The following SOBP variants were observed in gnomAD, a reference collection of about 807,000 sequenced individuals.
The protein encoded by SOBP is sine oculis-binding protein homolog.
In SOBP, 4 loss-of-function variants were observed where a neutral mutation model predicts 53.6. The ratio of observed to expected loss-of-function variants is 0.07; its 90% CI spans 0.04 to 0.17. SOBP has a LOEUF of 0.17. Among genes scored for constraint, SOBP ranks in the 10% least tolerant of loss-of-function variants. The pLI is 1.00. For missense variants in SOBP, 1,088 were observed against 1,204.7 expected, an observed-to-expected ratio of 0.90 and a Z score of 1.43; for synonymous variants, 584 against 522.6, an observed-to-expected ratio of 1.12 and a Z score of -1.60.
At chr6:107,533,377 G>C (rs895775813) in intron 3 of SOBP, 82 bp from the exon 4 acceptor site, 3 of 1,481,738 alleles carry the variant, frequency 2.0e-6, no homozygotes, top group Admixed American at 3.4e-5. Context: ...GGCCCAGGTA[G>C]CTCTGTCAGG....
intron 6 of SOBP, among the ~76,000 whole-genome samples, chr6:107,636,753 G>A (rs546825576): frequency 4.6e-5 from 7 of 152,306 alleles, no homozygotes; most frequent in African/African-American, 1.7e-4. Context: ...GGAAGCGGGG[G>A]CCAGGAGAGT....
At chr6:107,563,689 A>C (rs1246291515) in intron 4 of SOBP, among the ~76,000 whole-genome samples, 2 of 152,094 alleles carry the variant, frequency 1.3e-5, no homozygotes, top group South Asian at 2.1e-4. Context: ...AAAAAAAAAA[A>C]CTTACAATAG....
intron 6 of SOBP, among the ~76,000 whole-genome samples, chr6:107,656,329 AAGAAAGAAAGAAAG>A (rs1322883582): frequency 1.2e-3 from 8 of 6,664 alleles, no homozygotes; most frequent in East Asian, 0.05. Flanking sequence ...GAAAGAAAGA[AAGAAAGAAAGAAAG>A]AGAAAGAAAG....
At chr6:107,589,331 G>A (rs1785669393) in intron 5 of SOBP, among the ~76,000 whole-genome samples, 2 of 152,198 alleles carry the variant, frequency 1.3e-5, no homozygotes, top group Admixed American at 6.5e-5. Flanking sequence ...CACAGACACT[G>A]ACAGAAAGTG....
chr6:107,511,623 GA>G (rs1363987702), intron 3 of SOBP: 48 of 152,376 alleles, frequency 3.2e-4, no homozygotes, highest in African/African-American at 1.1e-3. Flanking sequence ...GGAACACGGT[GA>G]TACTGCATTG....
At chr6:107,534,327 C>A (rs528924932) in intron 4 of SOBP, among the ~76,000 whole-genome samples, 59 of 152,322 alleles carry the variant, frequency 3.9e-4, no homozygotes, top group Admixed American at 4.6e-4. Context: ...GATGTTTTTA[C>A]AATCACACGC....
In SOBP at chr6:107,490,716, T is replaced by A; in HGVS notation, c.96+4T>A. On this transcript the variant is annotated splice_donor_region_variant and intron_variant, in intron 1 of 6. Transcript: ENST00000317357. ...GGAGATCAATGAGGAGATGAAGGTA[T>A]TTTTTGATCTCGGGGGCCAGGGAGA... 1.3e-6 allele frequency: 2 copies of A among 1,497,400 alleles called. No homozygotes were observed. The highest frequency in any genetic ancestry group is 1.8e-6 in the Non-Finnish European group (2 of 1,081,900). 92.8% of individuals were successfully genotyped at this position (1,497,400 alleles called of 1,614,324 possible).
chr6:107,500,726 C>G (rs773401533), intron 1 of SOBP, among the ~76,000 whole-genome samples: 1 of 151,874 alleles, frequency 6.6e-6, no homozygotes, highest in Non-Finnish European at 1.5e-5. Context: ...GGGGTTTCAC[C>G]ATGTTAGCCA....
At position 107,602,553 on chromosome 6, in the gene SOBP, G is replaced by A. The variant is rs540666575; in HGVS notation, c.669+15378G>A. ...TGCAGGAGCGCTAAGCCTCTGCATA[G>A]CAACTAAGCCGCGTTAAAAAAAAAA... On this transcript the variant is annotated intron_variant, in intron 5 of 6. Transcript: ENST00000317357. Among the ~76,000 whole-genome samples, 16 of 121,582 alleles carry A rather than the reference G, an allele frequency of 1.3e-4. No individual in the cohort carries two copies. In the South Asian group the frequency reaches 2.5e-3, roughly 19 times the overall value. The allele number at this position is 121,582 out of a possible 152,430, so 79.8% of individuals were successfully genotyped here.
chr6:107,627,582 ATTT>A (rs2115130911), intron 5 of SOBP, among the ~76,000 whole-genome samples: 1 of 152,314 alleles, frequency 6.6e-6, no homozygotes, highest in Middle Eastern at 3.4e-3. Context: ...TCCAAATCTT[ATTT>A]AAGAGAGAGA....
intron 3 of SOBP, among the ~76,000 whole-genome samples, chr6:107,530,151 C>T (rs1168909123): frequency 2.6e-5 from 4 of 151,932 alleles, no homozygotes; most frequent in Admixed American, 1.3e-4. Flanking sequence ...TGGCACAGAC[C>T]GTTAGCCAAA....
At chr6:107,611,582 C>T (rs1281304308) in intron 5 of SOBP, among the ~76,000 whole-genome samples, 1 of 152,146 alleles carries the variant, frequency 6.6e-6, no homozygotes, top group African/African-American at 2.4e-5. Context: ...GTAGGAGGAC[C>T]GGCTGTATGT....
chr6:107,526,114 A>AT (rs201503301), intron 3 of SOBP, among the ~76,000 whole-genome samples: 3,106 of 149,278 alleles, frequency 0.021, 50 homozygotes, highest in East Asian at 0.055. Flanking sequence ...TGCCTGGCTA[A>AT]TTTTTTTTTT....
At chr6:107,511,463 A>T (rs1783167256) in intron 3 of SOBP, 1 of 152,338 alleles carries the variant, frequency 6.6e-6, no homozygotes, top group Admixed American at 6.5e-5. Context: ...TGCCGTCATG[A>T]GGCGAGTTGC....
rs749855865 is a variant in SOBP, at chr6:107,506,439, C to T, written c.421+12C>T. On this transcript the variant is annotated intron_variant, in intron 3 of 6. Transcript: ENST00000317357. ...AAAGCCACCAGCAGGTAAGTCACTACTGGTGTTTTCAGTGATAACAATTCA... is the reference window on the plus strand; with the variant it reads ...AAAGCCACCAGCAGGTAAGTCACTATTGGTGTTTTCAGTGATAACAATTCA... 1 of 1,613,592 alleles carries T rather than the reference C, an allele frequency of 6.2e-7. No individual in the cohort carries two copies. Among genetic ancestry groups the T allele is most frequent in the East Asian group, 2.2e-5 (1 of 44,874 alleles).
At chr6:107,652,784 G>T (rs544495345) in intron 6 of SOBP, among the ~76,000 whole-genome samples, 1 of 151,696 alleles carries the variant, frequency 6.6e-6, no homozygotes, top group Non-Finnish European at 1.5e-5. Flanking sequence ...GTCAGCAGCC[G>T]TCAGTATCAA....
At chr6:107,590,967 A>G (rs1377910442) in intron 5 of SOBP, among the ~76,000 whole-genome samples, 1 of 152,186 alleles carries the variant, frequency 6.6e-6, no homozygotes, top group Non-Finnish European at 1.5e-5. Context: ...ATAGAAAAAG[A>G]CACAGTCCCT....
chr6:107,596,818 C>T (rs1032741378), intron 5 of SOBP, among the ~76,000 whole-genome samples: 4 of 152,074 alleles, frequency 2.6e-5, no homozygotes, highest in African/African-American at 7.2e-5. Context: ...ATTAGGATGC[C>T]CTTATCCATC....
chr6:107,641,395 C>A (rs1771312816), intron 6 of SOBP, among the ~76,000 whole-genome samples: 1 of 152,196 alleles, frequency 6.6e-6, no homozygotes, highest in South Asian at 2.1e-4. Flanking sequence ...GATACTTCCC[C>A]AGCACTTGGA....
Sources: gnomAD v4.1 joint callset for allele counts (sites outside exome capture counted in the v4.1 genomes callset) on GRCh38, gnomAD v4.1.1 for gene constraint, MANE v1.5 for transcripts, NCBI Gene and HGNC (gene_info 2026-07-23, HGNC 2026-07-21) for gene names.